The following NEGR1 variants were observed in gnomAD, a reference collection of about 807,000 sequenced individuals.
NEGR1 encodes the protein neuronal growth regulator 1.
Under a neutral mutation model 40.9 loss-of-function variants are expected in NEGR1, and 10 were observed. The ratio of observed to expected loss-of-function variants is 0.24; its 90% CI spans 0.15 to 0.42. The LOEUF (loss-of-function observed/expected upper bound fraction) is 0.42, where lower values mean the gene tolerates loss of function less well. Ranked by LOEUF, NEGR1 falls within the 10% of genes least tolerant of loss-of-function variation. The pLI, the probability that NEGR1 is intolerant of heterozygous loss-of-function variation, is 1.00. For missense variants in NEGR1, 352 were observed against 438.9 expected (o/e 0.80, Z 1.77); for synonymous variants, 185 against 166.8 (o/e 1.11, Z -0.84).
chr1:71,606,243 C>T (rs942017940), intron 5 of NEGR1, among the ~76,000 whole-genome samples: 2 of 152,158 alleles, frequency 1.3e-5, no homozygotes, highest in Admixed American at 6.5e-5. Context: ...TTAAGCTCGT[C>T]GCCTATGGTG....
At chr1:72,003,974 G>T (rs1005544239) in intron 1 of NEGR1, among the ~76,000 whole-genome samples, 2 of 151,960 alleles carry the variant, frequency 1.3e-5, no homozygotes, top group African/African-American at 4.8e-5. Context: ...AGAGATTAAT[G>T]AGTAGAAAAA....
chr1:71,587,109 G>C (rs909096146), intron 6 of NEGR1, among the ~76,000 whole-genome samples: 2 of 152,026 alleles, frequency 1.3e-5, no homozygotes, highest in Admixed American at 6.6e-5. Flanking sequence ...TATCTAAAAT[G>C]GGAGTCATTC....
intron 4 of NEGR1, among the ~76,000 whole-genome samples, chr1:71,628,002 T>G (rs570294932): frequency 1.3e-5 from 2 of 152,174 alleles, no homozygotes; most frequent in East Asian, 3.9e-4. Flanking sequence ...GAGGGTGTTA[T>G]GAGAACTCCC....
At chr1:71,881,599 G>T (rs1192087435) in intron 2 of NEGR1, among the ~76,000 whole-genome samples, 1 of 152,004 alleles carries the variant, frequency 6.6e-6, no homozygotes, top group African/African-American at 2.4e-5. Flanking sequence ...AGGTACATTT[G>T]CTCAATTTGT....
intron 1 of NEGR1, among the ~76,000 whole-genome samples, chr1:72,123,738 C>T (rs1477622468): frequency 4.0e-5 from 6 of 151,816 alleles, no homozygotes; most frequent in Admixed American, 3.9e-4. Flanking sequence ...GATGAGGTAA[C>T]ATATTATTTT....
intron 1 of NEGR1, among the ~76,000 whole-genome samples, chr1:72,271,216 G>A (rs995782141): frequency 1.3e-5 from 2 of 151,796 alleles, no homozygotes; most frequent in Non-Finnish European, 2.9e-5. Context: ...ATTAATAATT[G>A]TTGAACAAAA....
intron 6 of NEGR1, among the ~76,000 whole-genome samples, chr1:71,554,908 A>C (rs771887249): frequency 5.9e-5 from 9 of 151,530 alleles, no homozygotes; most frequent in Non-Finnish European, 1.3e-4. Flanking sequence ...AAGAACCTTT[A>C]ACTCAAGATC....
At position 72,199,263 on chromosome 1, in the gene NEGR1, T is replaced by TG. The variant is rs35669105; in HGVS notation, c.176+83055dup. 3.6e-3 allele frequency among the ~76,000 whole-genome samples: 549 copies of TG among 150,904 alleles called. 1 individual carries two copies. Among genetic ancestry groups the TG allele is most frequent in the South Asian group, 0.02 (95 of 4,780 alleles). On this transcript the variant is annotated intron_variant, in intron 1 of 6. Transcript: ENST00000357731. ...GCATAACATGTATACTGCGCTACTCTGGGGGGGGTGCCATGCACATTGCTG... is the reference window on the plus strand; with the variant it reads ...GCATAACATGTATACTGCGCTACTCTGGGGGGGGGTGCCATGCACATTGCTG...
At chr1:71,545,664 A>G (rs193258059) in intron 6 of NEGR1, among the ~76,000 whole-genome samples, 12 of 151,388 alleles carry the variant, frequency 7.9e-5, no homozygotes, top group African/African-American at 2.9e-4. Flanking sequence ...AAATCTCTCA[A>G]TATTTCTATT....
chr1:72,045,475 G>A (rs1187803838), intron 1 of NEGR1, among the ~76,000 whole-genome samples: 1 of 151,734 alleles, frequency 6.6e-6, no homozygotes, highest in Non-Finnish European at 1.5e-5. Context: ...ATATGGGGGT[G>A]GGTGTTTCCT....
intron 1 of NEGR1, among the ~76,000 whole-genome samples, chr1:71,942,106 T>C (rs1288832231): frequency 6.6e-6 from 1 of 151,444 alleles, no homozygotes. Flanking sequence ...AAAAAACAAG[T>C]AGCATTGGTT....
chr1:71,976,628 A>T (rs564065696), intron 1 of NEGR1, among the ~76,000 whole-genome samples: 291 of 152,290 alleles, frequency 1.9e-3, no homozygotes, highest in Non-Finnish European at 3.5e-3. Context: ...AGCTTTTTTT[A>T]AAAAAGTTAC....
intron 1 of NEGR1, among the ~76,000 whole-genome samples, chr1:71,950,117 T>C (rs1204880750): frequency 6.6e-6 from 1 of 151,932 alleles, no homozygotes; most frequent in Non-Finnish European, 1.5e-5. Flanking sequence ...CAAAGATGGG[T>C]TTTTTACATT....
At chr1:71,651,382 C>G (rs1201297951) in intron 4 of NEGR1, among the ~76,000 whole-genome samples, 1 of 152,008 alleles carries the variant, frequency 6.6e-6, no homozygotes, top group East Asian at 1.9e-4. Context: ...ACTGCTTTTC[C>G]ACAAAGTATG....
At chr1:72,003,534 T>C (rs999540656) in intron 1 of NEGR1, among the ~76,000 whole-genome samples, 4 of 151,924 alleles carry the variant, frequency 2.6e-5, no homozygotes, top group African/African-American at 9.7e-5. Flanking sequence ...TACTTTTAGG[T>C]AGAAAGAAAA....
At chr1:72,037,264 A>T (rs1258550696) in intron 1 of NEGR1, among the ~76,000 whole-genome samples, 1 of 152,160 alleles carries the variant, frequency 6.6e-6, no homozygotes, top group Admixed American at 6.5e-5. Context: ...AAAGCTTAAG[A>T]CCATGTTACA....
chr1:72,267,308 G>A (rs57367764), intron 1 of NEGR1, among the ~76,000 whole-genome samples: 2 of 150,954 alleles, frequency 1.3e-5, no homozygotes, highest in Non-Finnish European at 3.0e-5. Flanking sequence ...GGCTATTAAA[G>A]GGTTTTATGA....
chr1:72,081,754 A>C (rs1335266313), intron 1 of NEGR1, among the ~76,000 whole-genome samples: 1 of 152,064 alleles, frequency 6.6e-6, no homozygotes. Flanking sequence ...AGTGAGTGGC[A>C]AAATTTGAAC....
At chr1:71,612,960 A>G (rs1435604377) in intron 4 of NEGR1, among the ~76,000 whole-genome samples, 1 of 152,246 alleles carries the variant, frequency 6.6e-6, no homozygotes, top group African/African-American at 2.4e-5. Context: ...AAGACTGGGT[A>G]GGACCTCTCA....
Sources: allele counts gnomAD v4.1 joint callset (sites outside exome capture counted in the v4.1 genomes callset), GRCh38; gene constraint gnomAD v4.1.1; transcripts MANE v1.5; gene names NCBI Gene and HGNC (gene_info 2026-07-23, HGNC 2026-07-21).